The following FUT5 variants were observed in gnomAD, a reference collection of about 807,000 sequenced individuals.
FUT5 encodes the protein fucosyltransferase 5.
FUT5 carries 1 observed loss-of-function variant against 0.8 expected under a neutral mutation model. That is an observed-to-expected ratio of 1.26 (90% confidence interval 0.45 to 5.99). The LOEUF is 5.99. Ranked by LOEUF, FUT5 falls within the 30% of genes most tolerant of loss-of-function variation. The pLI is 0.15. For synonymous variants in FUT5, 212 were observed against 225.7 expected (o/e 0.94, Z 0.54); for missense variants, 437 against 517.8 (o/e 0.84, Z 1.51).
At position 5,867,026 on chromosome 19, in the gene FUT5, C is replaced by T. The variant is rs773420409; in HGVS notation, c.700G>A (p.Val234Met). ...QSLQAHLKVD[V>M]YGRSHKPLPK... Reference sequence around the variant, plus strand: ...AGGGGCTTGTGGGAGCGTCCGTACACGTCCACCTTGAGATGAGCCTGCAGG... The same window carrying T: ...AGGGGCTTGTGGGAGCGTCCGTACATGTCCACCTTGAGATGAGCCTGCAGG... The change falls in exon 2 of 2, where the codon GTG (valine) becomes ATG (methionine). Residue 234 changes from valine to methionine, a missense_variant. Val to Met is a conservative substitution (Grantham distance 21). Coordinates refer to ENST00000588525, the MANE Select transcript of FUT5 (RefSeq NM_002034.2). This position sits in a 1 kb window ranked among gnomAD's most constrained non-coding sequence, Gnocchi z 5.0. The T allele has an allele frequency of 3.0e-5, 48 of 1,613,678 alleles. No homozygotes were observed. The East Asian group carries it at 6.0e-4, about 20-fold the overall frequency.
chr19:5,867,240 C>T lies in FUT5; in HGVS notation c.486G>A (p.Leu162=), dbSNP rs756031400. 10 of 1,613,326 alleles carry T rather than the reference C, an allele frequency of 6.2e-6. No individual in the cohort carries two copies. The highest frequency in any genetic ancestry group is 8.5e-6 in the Non-Finnish European group (10 of 1,180,016). The change falls in exon 2 of 2, where the codon CTG becomes CTA. Residue 162 remains leucine (L), a synonymous_variant. Transcript: ENST00000588525. The surrounding 1 kb of genome is among the most constrained non-coding windows in gnomAD (Gnocchi z 5.0). ...ACATGGTGAGATTGAAGTATCCGTCCAGGGCTTCCAGGTGCCGGCAGTTGC... is the reference window on the plus strand; with the variant it reads ...ACATGGTGAGATTGAAGTATCCGTCTAGGGCTTCCAGGTGCCGGCAGTTGC... The part of the protein sequence containing the change: ...SPSNCRHLEA[L]DGYFNLTMSY...
rs778981 is a variant in FUT5 at position 5,866,025 on chromosome 19, T to C, written c.*576A>G. On this transcript the variant is annotated 3_prime_UTR_variant, in exon 2 of 2. Coordinates refer to ENST00000588525, the MANE Select transcript of FUT5 (RefSeq NM_002034.2). This position sits in a 1 kb window ranked among gnomAD's most constrained non-coding sequence, Gnocchi z 4.9. ...CAGAGTCACGCCGAGGTCACACCCA[T>C]AGTGATGCATTTGTGACACCCATCC... 177,771 of 185,704 alleles carry C rather than the reference T, an allele frequency of 0.96. 85,146 individuals carry two copies. The highest frequency in any genetic ancestry group is 1 in the East Asian group (7,282 of 7,284). 11.5% of individuals were successfully genotyped at this position (185,704 alleles called of 1,614,324 possible).
intron 1 of FUT5, among the ~76,000 whole-genome samples, chr19:5,869,376 G>T (rs2057516129): frequency 6.7e-6 from 1 of 148,594 alleles, no homozygotes; most frequent in African/African-American, 2.5e-5. Flanking sequence ...TCAGCCTCCT[G>T]AGTAGCTGGG....
At position 5,867,373 on chromosome 19, in the gene FUT5, G is replaced by A. The variant is rs767430432; in HGVS notation, c.353C>T (p.Ala118Val). The A allele has an allele frequency of 2.2e-5, 36 of 1,613,952 alleles. No homozygotes were observed. Among genetic ancestry groups the A allele is most frequent in the African/African-American group, 1.9e-4 (14 of 75,058 alleles). Residue 118 changes from alanine (A) to valine (V), a missense_variant, in exon 2 of 2, where the codon GCG becomes GTG. Around this residue, in one of 2 missense-constraint regions of FUT5, gnomAD observed 261 missense variants for 242.6 expected, o/e 1.08. Coordinates refer to ENST00000588525, the MANE Select transcript of FUT5 (RefSeq NM_002034.2). The surrounding 1 kb of genome is among the most constrained non-coding windows in gnomAD (Gnocchi z 5.0). ...GATATCCCAGTGGTGCACGATGACC[G>A]CGTCTGCCTGTGGGTACACACTGGA... ...ADSSVYPQAD[A>V]VIVHHWDIMY... is the part of the protein sequence containing the mutation.
At chr19:5,868,244 G>A (rs943231456) in intron 1 of FUT5, among the ~76,000 whole-genome samples, 3 of 152,046 alleles carry the variant, frequency 2.0e-5, no homozygotes, top group African/African-American at 7.2e-5. Flanking sequence ...GGCTGACCAG[G>A]CAGGGAGTGG....
chr19:5,867,403 G>T lies in FUT5; in HGVS notation c.323C>A (p.Ala108Asp), dbSNP rs1020181970. Residue 108 changes from alanine to aspartate, a missense_variant, in exon 2 of 2, where the codon GCC becomes GAC. By Grantham distance (126) the Ala-to-Asp change is moderately radical (BLOSUM62 -2). This residue lies in a region of FUT5 where 261 missense variants were observed against 242.6 expected (regional missense o/e 1.08). Transcript: ENST00000588525. This position sits in a 1 kb window ranked among gnomAD's most constrained non-coding sequence, Gnocchi z 5.0. The stretch of plus-strand genomic sequence containing the variant: ...TGCCTGTGGGTACACACTGGAGTCG[G>T]CAGTGATGTTGCAGTCGGCCGCGCC... ...VPGAADCNIT[A>D]DSSVYPQADA... The T allele has an allele frequency of 6.2e-7, 1 of 1,613,846 alleles. No homozygotes were observed. The highest frequency in any genetic ancestry group is 1.3e-5 in the African/African-American group (1 of 75,022).
chr19:5,868,706 G>A (rs568949880), intron 1 of FUT5, among the ~76,000 whole-genome samples: 1 of 152,138 alleles, frequency 6.6e-6, no homozygotes, highest in Non-Finnish European at 1.5e-5. Context: ...TGTGGTGGTG[G>A]TGCCTGTAAT....
chr19:5,867,537 G>T lies in FUT5; in HGVS notation c.189C>A (p.Arg63=), dbSNP rs779439585. ...CAGGGGTCGCCATGCTGTCCTGGCAGCGGGACCCATTGGGAGCCCCGGTGA... is the reference window on the plus strand; with the variant it reads ...CAGGGGTCGCCATGCTGTCCTGGCATCGGGACCCATTGGGAGCCCCGGTGA... ...EPVTGAPNGS[R]CQDSMATPAH... Residue 63 remains arginine (R), a synonymous_variant, in exon 2 of 2, where the codon CGC becomes CGA. Coordinates refer to ENST00000588525, the MANE Select transcript of FUT5 (RefSeq NM_002034.2). The surrounding 1 kb of genome is among the most constrained non-coding windows in gnomAD (Gnocchi z 5.0). The T allele has an allele frequency of 6.2e-7, 1 of 1,613,490 alleles. No homozygotes were observed. Among genetic ancestry groups the T allele is most frequent in the Non-Finnish European group, 8.5e-7 (1 of 1,180,022 alleles).
rs373593937 is a variant in FUT5 at position 5,867,429 on chromosome 19, G to T, written c.297C>A (p.Pro99=). The T allele has an allele frequency of 1.2e-6, 2 of 1,613,612 alleles. No homozygotes were observed. Among genetic ancestry groups the T allele is most frequent in the African/African-American group, 2.7e-5 (2 of 74,892 alleles). ...CAGTGATGTTGCAGTCGGCCGCGCC[G>T]GGCACCATCTCTGAGCAGCGGGGCA... The part of the protein sequence containing the change: ...VALPRCSEMV[P]GAADCNITAD... Residue 99 remains proline, a synonymous_variant, in exon 2 of 2, where the codon CCC becomes CCA. Transcript: ENST00000588525. This position sits in a 1 kb window ranked among gnomAD's most constrained non-coding sequence, Gnocchi z 5.0.
chr19:5,867,521 C>A lies in FUT5; in HGVS notation c.205G>T (p.Ala69Ser). The change falls in exon 2 of 2, where the codon GCG becomes TCG. Residue 69 changes from alanine to serine, a missense_variant. Ala to Ser is a moderately conservative substitution (Grantham distance 99, BLOSUM62 1). Around this residue, in one of 2 missense-constraint regions of FUT5, gnomAD observed 261 missense variants for 242.6 expected, o/e 1.08. Coordinates refer to ENST00000588525, the MANE Select transcript of FUT5 (RefSeq NM_002034.2). This position sits in a 1 kb window ranked among gnomAD's most constrained non-coding sequence, Gnocchi z 5.0. ...PNGSRCQDSM[A>S]TPAHPTLLIL... ...AGTAGGGTGGGGTGGGCAGGGGTCG[C>A]CATGCTGTCCTGGCAGCGGGACCCA... 1 of 1,613,370 alleles carries A rather than the reference C, an allele frequency of 6.2e-7. No individual in the cohort carries two copies. The highest frequency in any genetic ancestry group is 8.5e-7 in the Non-Finnish European group (1 of 1,179,930).
chr19:5,866,279 G>C lies in FUT5; in HGVS notation c.*322C>G, dbSNP rs1215023139. 2.0e-6 allele frequency: 1 copy of C among 490,040 alleles called. No individual in the cohort carries two copies. The highest frequency in any genetic ancestry group is 1.9e-5 in the African/African-American group (1 of 51,328). 30.4% of individuals were successfully genotyped at this position (490,040 alleles called of 1,614,324 possible). On this transcript the variant is annotated 3_prime_UTR_variant, in exon 2 of 2. Transcript: ENST00000588525. The surrounding 1 kb of genome is among the most constrained non-coding windows in gnomAD (Gnocchi z 4.9). ...CTGGGAGCAGGTCCCAGCAGGTAAA[G>C]TCCCCAACAGCCGAGATCCTCAGTA...
In FUT5 at chr19:5,866,392, T is replaced by C; in HGVS notation, c.*209A>G. 1 of 795,552 alleles carries C rather than the reference T, an allele frequency of 1.3e-6. No homozygotes were observed. Among genetic ancestry groups the C allele is most frequent in the South Asian group, 1.7e-5 (1 of 58,684 alleles). 49.3% of individuals were successfully genotyped at this position (795,552 alleles called of 1,614,324 possible). A position where few individuals can be genotyped will look rare whatever the true frequency, so the allele number is the denominator to read the frequency against. On this transcript the variant is annotated 3_prime_UTR_variant, in exon 2 of 2. Transcript: ENST00000588525. The surrounding 1 kb of genome is among the most constrained non-coding windows in gnomAD (Gnocchi z 4.9). ...CCCCAGCAGGGGAGGCTCCTGGCAG[T>C]GAAGCCCGGCAAGTGAAATCCCAGG... is the stretch of plus-strand genomic sequence containing the variant.
chr19:5,867,522 C>T lies in FUT5; in HGVS notation c.204G>A (p.Met68Ile), dbSNP rs865797115. 1 of 1,613,352 alleles carries T rather than the reference C, an allele frequency of 6.2e-7. No homozygotes were observed. ...APNGSRCQDS[M>I]ATPAHPTLLI... ...GTAGGGTGGGGTGGGCAGGGGTCGC[C>T]ATGCTGTCCTGGCAGCGGGACCCAT... Residue 68 changes from methionine to isoleucine, a missense_variant, in exon 2 of 2, where the codon ATG becomes ATA. This residue lies in a region of FUT5 where 261 missense variants were observed against 242.6 expected (regional missense o/e 1.08). Coordinates refer to ENST00000588525, the MANE Select transcript of FUT5 (RefSeq NM_002034.2). This position sits in a 1 kb window ranked among gnomAD's most constrained non-coding sequence, Gnocchi z 5.0.
rs781355035 is a variant in FUT5, at chr19:5,867,312, G to A, written c.414C>T (p.Thr138=). ...YNPSANLPPP[T]RPQGQRWIWF... ...AGATCCAGCGCTGCCCCTGCGGCCTGGTGGGGGGCGGGAGGTTGGCACTGG... is the reference window on the plus strand; with the variant it reads ...AGATCCAGCGCTGCCCCTGCGGCCTAGTGGGGGGCGGGAGGTTGGCACTGG... The change falls in exon 2 of 2, where the codon ACC becomes ACT. Residue 138 remains threonine (T), a synonymous_variant. Coordinates refer to ENST00000588525, the MANE Select transcript of FUT5 (RefSeq NM_002034.2). The surrounding 1 kb of genome is among the most constrained non-coding windows in gnomAD (Gnocchi z 5.0). 6.2e-7 allele frequency: 1 copy of A among 1,613,650 alleles called. No individual in the cohort carries two copies. The highest frequency in any genetic ancestry group is 8.5e-7 in the Non-Finnish European group (1 of 1,180,016).
chr19:5,867,858 CCT>C lies in FUT5; in HGVS notation c.-12-123_-12-122del, dbSNP rs752626699. ...GCTTGTCATAAATGCCCCCAGTACC[CCT>C]GAGTTGAGGATTGAATTTATAACTC... On this transcript the variant is annotated intron_variant, in intron 1 of 1. Transcript: ENST00000588525. This position sits in a 1 kb window ranked among gnomAD's most constrained non-coding sequence, Gnocchi z 5.0. 3.3e-5 allele frequency: 35 copies of C among 1,059,814 alleles called. No homozygotes were observed. The highest frequency in any genetic ancestry group is 2.6e-4 in the Middle Eastern group (1 of 3,782). The allele number at this position is 1,059,814 out of a possible 1,614,324, so 65.7% of individuals were successfully genotyped here.
At position 5,866,339 on chromosome 19, in the gene FUT5, C is replaced by T. The variant is rs2057502667; in HGVS notation, c.*262G>A. 1 of 606,930 alleles carries T rather than the reference C, an allele frequency of 1.6e-6. No individual in the cohort carries two copies. The allele number at this position is 606,930 out of a possible 1,614,324, so 37.6% of individuals were successfully genotyped here. ...TCCAGAAAGCAAGGTCCCCAGTAGG[C>T]ACCATCCCCAGCCCCAGCTGGCAAG... On this transcript the variant is annotated 3_prime_UTR_variant, in exon 2 of 2. Coordinates refer to ENST00000588525, the MANE Select transcript of FUT5 (RefSeq NM_002034.2). This position sits in a 1 kb window ranked among gnomAD's most constrained non-coding sequence, Gnocchi z 4.9.
Position 5,866,367 on chromosome 19 carries a change from C to A in FUT5, c.*234G>T. 1 of 673,346 alleles carries A rather than the reference C, an allele frequency of 1.5e-6. No individual in the cohort carries two copies. The highest frequency in any genetic ancestry group is 1.9e-5 in the South Asian group (1 of 53,806). 41.7% of individuals were successfully genotyped at this position (673,346 alleles called of 1,614,324 possible). A position where few individuals can be genotyped will look rare whatever the true frequency, so the allele number is the denominator to read the frequency against. On this transcript the variant is annotated 3_prime_UTR_variant, in exon 2 of 2. Transcript: ENST00000588525. The surrounding 1 kb of genome is among the most constrained non-coding windows in gnomAD (Gnocchi z 4.9). ...CATCCCCAGCCCCAGCTGGCAAGGT[C>A]CCCAGCAGGGGAGGCTCCTGGCAGT...
chr19:5,869,590 T>C (rs2057516739), intron 1 of FUT5, among the ~76,000 whole-genome samples: 1 of 152,060 alleles, frequency 6.6e-6, no homozygotes, highest in Non-Finnish European at 1.5e-5. Flanking sequence ...AACAGTATTG[T>C]TTTGGTAGAA....
rs1024715577 is a variant in FUT5 at position 5,866,057 on chromosome 19, G to A, written c.*544C>T. The A allele has an allele frequency of 2.1e-5, 4 of 187,572 alleles. No homozygotes were observed. The highest frequency in any genetic ancestry group is 3.4e-5 in the Non-Finnish European group (3 of 89,142). The allele number at this position is 187,572 out of a possible 1,614,324, so 11.6% of individuals were successfully genotyped here. Reference sequence around the variant, plus strand: ...GCATTTGTGACACCCATCCGCTGGCGGTCAAACCGAGTGTCCCCCAGCCAT... The same window carrying A: ...GCATTTGTGACACCCATCCGCTGGCAGTCAAACCGAGTGTCCCCCAGCCAT... On this transcript the variant is annotated 3_prime_UTR_variant, in exon 2 of 2. Transcript: ENST00000588525. The surrounding 1 kb of genome is among the most constrained non-coding windows in gnomAD (Gnocchi z 4.9).
Sources: gnomAD v4.1 joint callset for allele counts (sites outside exome capture counted in the v4.1 genomes callset) on GRCh38, gnomAD v4.1.1 for gene constraint, gnomAD v4.1.1 regional missense constraint, Gnocchi (gnomAD v3.1) non-coding constraint, MANE v1.5 for transcripts, NCBI Gene and HGNC (gene_info 2026-07-23, HGNC 2026-07-21) for gene names.